AKAP13: variants seen among roughly 807,000 people sequenced by gnomAD.
The protein encoded by AKAP13 is A-kinase anchoring protein 13.
A neutral mutation model predicts 264.5 loss-of-function variants in AKAP13; 80 were observed. The ratio of observed to expected loss-of-function variants is 0.30; its 90% confidence interval spans 0.25 to 0.36. The LOEUF (loss-of-function observed/expected upper bound fraction) is 0.36. Ranked by LOEUF, AKAP13 falls within the 10% of genes least tolerant of loss-of-function variation. The pLI is 1.00. For missense variants in AKAP13, 3,712 were observed against 3,435.2 expected (o/e 1.08, Z -2.01); for synonymous variants, 1,380 against 1,250.2 (o/e 1.10, Z -2.19).
At chr15:85,552,952 C>A (rs2078013463) in intron 5 of AKAP13, among the ~76,000 whole-genome samples, 1 of 151,942 alleles carries the variant, frequency 6.6e-6, no homozygotes, top group South Asian at 2.1e-4. Context: ...ATTGAACTTA[C>A]CCTAGAAAGA....
chr15:85,409,358 A>G (rs575335273), intron 1 of AKAP13, among the ~76,000 whole-genome samples: 1 of 151,060 alleles, frequency 6.6e-6, no homozygotes, highest in South Asian at 2.1e-4. Context: ...TTGTATTTTT[A>G]GTGGAGACAG....
chr15:85,744,544 CA>C, intron 36 of AKAP13, 83 bp from the exon 37 acceptor site: 1 of 1,457,550 alleles, frequency 6.9e-7, no homozygotes, highest in Non-Finnish European at 9.6e-7. Context: ...GTTTGCATTA[CA>C]GAAGACTTTG....
chr15:85,583,983 C>G (rs2079229832), intron 7 of AKAP13, among the ~76,000 whole-genome samples: 1 of 152,134 alleles, frequency 6.6e-6, no homozygotes, highest in African/African-American at 2.4e-5. Context: ...TTGATGGTCT[C>G]AGACTACAGA....
chr15:85,717,490 A>T, intron 21 of AKAP13, 88 bp downstream of exon 21: 1 of 883,206 alleles, frequency 1.1e-6, no homozygotes, highest in Non-Finnish European at 1.8e-6. Flanking sequence ...ATGGAGTGAC[A>T]GTACCTGCCT....
At chr15:85,562,659 C>T (rs1171623352) in intron 5 of AKAP13, among the ~76,000 whole-genome samples, 17 of 142,520 alleles carry the variant, frequency 1.2e-4, no homozygotes, top group Non-Finnish European at 2.6e-4. Context: ...TGCTGTTATC[C>T]CACTTTCCTT....
At chr15:85,419,436 A>G (rs906324228) in intron 1 of AKAP13, among the ~76,000 whole-genome samples, 3 of 152,198 alleles carry the variant, frequency 2.0e-5, no homozygotes, top group Non-Finnish European at 4.4e-5. Context: ...CCGCTGATAC[A>G]TTGTGTATCA....
chr15:85,743,828 G>A lies in AKAP13; in HGVS notation c.8392+3G>A, dbSNP rs778839193. The stretch of plus-strand genomic sequence containing the variant: ...AACCAGCCGCTCTCAGCCCGGTGGT[G>A]AGTCACGCACACCTGCTCTCCCTGT... On this transcript the variant is annotated splice_donor_region_variant and intron_variant, in intron 36 of 36. Coordinates refer to ENST00000394518, the MANE Select transcript of AKAP13 (RefSeq NM_007200.5). 7.5e-6 allele frequency: 12 copies of A among 1,606,062 alleles called. No homozygotes were observed. The highest frequency in any genetic ancestry group is 1.8e-4 in the Middle Eastern group (1 of 5,444).
In AKAP13 at chr15:85,659,927, C is replaced by G. The variant is rs1238572377; in HGVS notation, c.4799+1337C>G. 3.9e-5 allele frequency among the ~76,000 whole-genome samples: 6 copies of G among 152,062 alleles called. No homozygotes were observed. The South Asian group carries it at 1.2e-3, about 32-fold the overall frequency. On this transcript the variant is annotated intron_variant, in intron 12 of 36. Coordinates refer to ENST00000394518, the MANE Select transcript of AKAP13 (RefSeq NM_007200.5). ...AGCCAAAGAACTACTAAATATTATCCCTACTAATTGAGGAATTGAGGAAAT... is the reference window on the plus strand; with the variant it reads ...AGCCAAAGAACTACTAAATATTATCGCTACTAATTGAGGAATTGAGGAAAT...
At chr15:85,424,733 G>A (rs1254757636) in intron 1 of AKAP13, among the ~76,000 whole-genome samples, 1 of 152,174 alleles carries the variant, frequency 6.6e-6, no homozygotes, top group Non-Finnish European at 1.5e-5. Flanking sequence ...CTTTTGACAT[G>A]CCTTCCTTGC....
chr15:85,691,067 C>G (rs1418730683), intron 16 of AKAP13, among the ~76,000 whole-genome samples: 1 of 152,090 alleles, frequency 6.6e-6, no homozygotes, highest in East Asian at 1.9e-4. Context: ...CTCACCCTGC[C>G]CACTTCAGAG....
intron 26 of AKAP13, among the ~76,000 whole-genome samples, chr15:85,725,440 A>AT (rs1027773354): frequency 6.6e-6 from 1 of 152,032 alleles, no homozygotes; most frequent in Non-Finnish European, 1.5e-5. Context: ...TAAAAAAAAA[A>AT]CTTTTTCATA....
chr15:85,594,137 G>A (rs1270829045), intron 8 of AKAP13, among the ~76,000 whole-genome samples: 3 of 152,120 alleles, frequency 2.0e-5, no homozygotes, highest in Non-Finnish European at 2.9e-5. Context: ...TTTTTAAATG[G>A]TCTTGGAAGA....
chr15:85,640,481 ACT>A (rs1285293402), intron 9 of AKAP13, among the ~76,000 whole-genome samples: 5 of 152,126 alleles, frequency 3.3e-5, no homozygotes, highest in African/African-American at 1.2e-4. Flanking sequence ...CTGATTGTCA[ACT>A]CTCTAACTTT....
At chr15:85,475,120 G>A (rs1019232400) in intron 1 of AKAP13, among the ~76,000 whole-genome samples, 2 of 152,172 alleles carry the variant, frequency 1.3e-5, no homozygotes, top group African/African-American at 2.4e-5. Context: ...AGGCTGGGGA[G>A]GATGAAGGAA....
chr15:85,570,001 T>A (rs1028950570), intron 5 of AKAP13, among the ~76,000 whole-genome samples: 1 of 126,946 alleles, frequency 7.9e-6, no homozygotes, highest in Non-Finnish European at 1.6e-5. Flanking sequence ...GGCGTGAACC[T>A]GGGAGGCGGA....
intron 9 of AKAP13, among the ~76,000 whole-genome samples, chr15:85,641,504 A>C (rs186855557): frequency 2.4e-4 from 27 of 113,514 alleles, no homozygotes; most frequent in African/African-American, 6.6e-4. Flanking sequence ...AAATAAATAA[A>C]TAACGGAGTC....
intron 8 of AKAP13, among the ~76,000 whole-genome samples, chr15:85,633,535 C>CTTTTTTTTTTTTT (rs56687591): frequency 1.0e-5 from 1 of 97,738 alleles, no homozygotes; most frequent in Non-Finnish European, 2.2e-5. Context: ...CTTTTTTTTT[C>CTTTTTTTTTTTTT]TTTTTTTTTT....
At chr15:85,403,043 A>G (rs1027452184) in intron 1 of AKAP13, among the ~76,000 whole-genome samples, 1 of 152,222 alleles carries the variant, frequency 6.6e-6, no homozygotes, top group African/African-American at 2.4e-5. Context: ...TCTTAATAGT[A>G]GGGCAGAAAT....
At chr15:85,615,445 C>T (rs901373740) in intron 8 of AKAP13, among the ~76,000 whole-genome samples, 1 of 152,188 alleles carries the variant, frequency 6.6e-6, no homozygotes, top group Non-Finnish European at 1.5e-5. Flanking sequence ...CCTTTGCAGC[C>T]ATTGTAAAGT....
Sources: gnomAD v4.1 joint callset for allele counts (sites outside exome capture counted in the v4.1 genomes callset) on GRCh38, gnomAD v4.1.1 for gene constraint, MANE v1.5 for transcripts, NCBI Gene and HGNC (gene_info 2026-07-23, HGNC 2026-07-21) for gene names.